NDUFAF2: variants seen among roughly 807,000 people sequenced by gnomAD.
NDUFAF2 encodes NADH:ubiquinone oxidoreductase complex assembly factor 2, also known as NADH dehydrogenase [ubiquinone] 1 alpha subcomplex assembly factor 2.
In NDUFAF2, 13 loss-of-function variants were observed where a neutral mutation model predicts 22.8. The ratio of observed to expected loss-of-function variants is 0.57; its 90% CI spans 0.37 to 0.91. NDUFAF2 has a LOEUF of 0.91. Ranked by LOEUF, NDUFAF2 falls within the 40% of genes least tolerant of loss-of-function variation. The probability of loss-of-function intolerance (pLI) is 0.01; values close to 1 mark genes in which losing one functional copy is unlikely to be tolerated. For missense variants in NDUFAF2, 162 were observed against 195.2 expected (o/e 0.83, Z 1.01); for synonymous variants, 53 against 64.2 (o/e 0.83, Z 0.84).
intron 1 of NDUFAF2, among the ~76,000 whole-genome samples, chr5:61,058,161 A>G (rs927023462): frequency 3.3e-5 from 5 of 152,132 alleles, no homozygotes; most frequent in Non-Finnish European, 5.9e-5. Context: ...AATCAGCTGT[A>G]TCTGCTACAT....
intron 1 of NDUFAF2, among the ~76,000 whole-genome samples, chr5:61,007,198 A>G (rs1469743955): frequency 5.3e-5 from 8 of 151,932 alleles, no homozygotes; most frequent in Non-Finnish European, 1.2e-4. Flanking sequence ...GCCCATGCCT[A>G]TGTCCTGAAT....
chr5:61,096,015 T>C (rs923291917), intron 2 of NDUFAF2, among the ~76,000 whole-genome samples: 3 of 152,178 alleles, frequency 2.0e-5, no homozygotes, highest in Admixed American at 1.3e-4. Flanking sequence ...TAAGTAACTT[T>C]AATTTGGGCC....
chr5:61,033,798 T>C (rs1751758952), intron 1 of NDUFAF2, among the ~76,000 whole-genome samples: 2 of 152,050 alleles, frequency 1.3e-5, no homozygotes, highest in Admixed American at 6.6e-5. Context: ...AGTTACAACC[T>C]CAAACAAAAA....
intron 1 of NDUFAF2, among the ~76,000 whole-genome samples, chr5:61,045,947 G>A (rs969060775): frequency 2.6e-5 from 4 of 152,040 alleles, no homozygotes; most frequent in Non-Finnish European, 5.9e-5. Context: ...TGTAAACTGC[G>A]GGCTTGTCAT....
intron 1 of NDUFAF2, among the ~76,000 whole-genome samples, chr5:61,064,078 G>A (rs1014725195): frequency 6.6e-6 from 1 of 152,032 alleles, no homozygotes; most frequent in Non-Finnish European, 1.5e-5. Flanking sequence ...GTAATCAAAA[G>A]AAAGCAAGCG....
intron 1 of NDUFAF2, among the ~76,000 whole-genome samples, chr5:60,985,117 T>C (rs897684382): frequency 2.0e-5 from 3 of 152,248 alleles, no homozygotes; most frequent in Admixed American, 2.0e-4. Flanking sequence ...CATCGTTTAG[T>C]CTTGGAAGGA....
intron 3 of NDUFAF2, among the ~76,000 whole-genome samples, chr5:61,107,856 C>T (rs747800904): frequency 7.2e-6 from 1 of 138,324 alleles, no homozygotes; most frequent in Non-Finnish European, 1.5e-5. Flanking sequence ...GTGATGTTGC[C>T]CTTCCTGTGT....
At chr5:61,126,034 G>A (rs1407650502) in intron 3 of NDUFAF2, among the ~76,000 whole-genome samples, 2 of 151,964 alleles carry the variant, frequency 1.3e-5, no homozygotes, top group Non-Finnish European at 2.9e-5. Context: ...GAGGGAAGGT[G>A]TGGAAAGATC....
chr5:60,949,853 A>T (rs1457777899), intron 1 of NDUFAF2, among the ~76,000 whole-genome samples: 1 of 152,180 alleles, frequency 6.6e-6, no homozygotes, highest in African/African-American at 2.4e-5. Flanking sequence ...ATTATAAATG[A>T]TGCTTTAAAA....
chr5:60,963,119 C>T (rs1750713186), intron 1 of NDUFAF2, among the ~76,000 whole-genome samples: 1 of 152,070 alleles, frequency 6.6e-6, no homozygotes, highest in Non-Finnish European at 1.5e-5. Flanking sequence ...CTCCTGACCT[C>T]GTGATCCACC....
At chr5:61,014,074 TC>T (rs1443374448) in intron 1 of NDUFAF2, among the ~76,000 whole-genome samples, 1 of 152,200 alleles carries the variant, frequency 6.6e-6, no homozygotes, top group Non-Finnish European at 1.5e-5. Flanking sequence ...GTGGCAAGTG[TC>T]CCCTAGATAG....
chr5:60,966,276 T>C (rs1750757642), intron 1 of NDUFAF2, among the ~76,000 whole-genome samples: 1 of 152,196 alleles, frequency 6.6e-6, no homozygotes, highest in South Asian at 2.1e-4. Context: ...TATTAACCCT[T>C]TATCAGGTGT....
At chr5:61,109,827 C>T (rs368100038) in intron 3 of NDUFAF2, among the ~76,000 whole-genome samples, 1 of 152,134 alleles carries the variant, frequency 6.6e-6, no homozygotes, top group South Asian at 2.1e-4. Flanking sequence ...TTCCTGAGGC[C>T]TCCCCAGCCG....
intron 3 of NDUFAF2, among the ~76,000 whole-genome samples, chr5:61,147,050 CTGTT>C (rs1741150152): frequency 6.6e-6 from 1 of 151,928 alleles, no homozygotes; most frequent in Non-Finnish European, 1.5e-5. Flanking sequence ...AAGTCCTTGT[CTGTT>C]GATTTCATCA....
At chr5:61,127,351 C>T (rs1753050489) in intron 3 of NDUFAF2, among the ~76,000 whole-genome samples, 1 of 152,072 alleles carries the variant, frequency 6.6e-6, no homozygotes, top group African/African-American at 2.4e-5. Flanking sequence ...AATTTTACAC[C>T]AATATCCCTG....
At position 60,959,683 on chromosome 5, in the gene NDUFAF2, A is replaced by T. The variant is rs973224075; in HGVS notation, c.127+14301A>T. Reference sequence around the variant, plus strand: ...CTTCGGTTTAGTGATATCTATAAAAAGTTGAACTTACTTTAAAATACTTTG... The same window carrying T: ...CTTCGGTTTAGTGATATCTATAAAATGTTGAACTTACTTTAAAATACTTTG... On this transcript the variant is annotated intron_variant, in intron 1 of 3. Transcript: ENST00000296597. 2.0e-5 allele frequency among the ~76,000 whole-genome samples: 3 copies of T among 152,100 alleles called. No homozygotes were observed. In the East Asian group the frequency reaches 5.8e-4, roughly 29 times the overall value.
intron 1 of NDUFAF2, among the ~76,000 whole-genome samples, chr5:60,988,047 C>T (rs1751106217): frequency 6.6e-6 from 1 of 152,088 alleles, no homozygotes; most frequent in South Asian, 2.1e-4. Context: ...CAAAAAGCAG[C>T]TTAAGCAACT....
intron 1 of NDUFAF2, among the ~76,000 whole-genome samples, chr5:60,958,086 A>G (rs1750640559): frequency 6.6e-6 from 1 of 152,120 alleles, no homozygotes; most frequent in Non-Finnish European, 1.5e-5. Flanking sequence ...AAGTCTGTTC[A>G]CTTGTGCTAA....
At chr5:61,002,216 T>C (rs1263846571) in intron 1 of NDUFAF2, among the ~76,000 whole-genome samples, 1 of 152,124 alleles carries the variant, frequency 6.6e-6, no homozygotes, top group Non-Finnish European at 1.5e-5. Flanking sequence ...ACAGGTCTCC[T>C]TTCAGTTACC....
Sources: gnomAD v4.1 joint callset for allele counts (sites outside exome capture counted in the v4.1 genomes callset) on GRCh38, gnomAD v4.1.1 for gene constraint, MANE v1.5 for transcripts, NCBI Gene and HGNC (gene_info 2026-07-23, HGNC 2026-07-21) for gene names.